Variants in LRAT observed in about 807,000 individuals in gnomAD.
The protein encoded by LRAT is lecithin retinol acyltransferase (phosphatidylcholine--retinol O-acyltransferase).
A neutral mutation model predicts 14.2 loss-of-function variants in LRAT; 11 were observed. The observed-to-expected ratio is 0.78, with a 90% CI of 0.49 to 1.29. The LOEUF (loss-of-function observed/expected upper bound fraction) is 1.29, where lower values mean the gene tolerates loss of function less well. LRAT is among the 50% of genes most tolerant of loss of function. The pLI is 0.00. For synonymous variants in LRAT, 144 were observed against 124.8 expected, an observed-to-expected ratio of 1.15 and a Z score of -1.03; for missense variants, 274 against 292.4, an observed-to-expected ratio of 0.94 and a Z score of 0.46.
rs1732997586 is a variant in LRAT at position 154,751,733 on chromosome 4, C to CCAAAAA, written c.*2597_*2598insCAAAAA. On this transcript the variant is annotated 3_prime_UTR_variant, in exon 3 of 3. Transcript: ENST00000336356. ...TGGGCAACAAAGTGAGACTCCATCT[C>CCAAAAA]AAAAAAAAAAAAAAAAAAAAAAAAA... The CCAAAAA allele has an allele frequency of 8.4e-5, 2 of 23,842 alleles. No homozygotes were observed. The highest frequency in any genetic ancestry group is 1.6e-4 in the Non-Finnish European group (2 of 12,628). 1.5% of individuals were successfully genotyped at this position (23,842 alleles called of 1,614,324 possible).
chr4:154,741,369 C>G (rs1433009223), upstream of LRAT, among the ~76,000 whole-genome samples: 1 of 152,014 alleles, frequency 6.6e-6, no homozygotes, highest in Non-Finnish European at 1.5e-5. Context: ...CTGTCGCTTC[C>G]GGAAGCCGAA....
chr4:154,742,013 G>A (rs187879077), upstream of LRAT, among the ~76,000 whole-genome samples: 58 of 152,162 alleles, frequency 3.8e-4, no homozygotes, highest in African/African-American at 1.4e-3. Context: ...CGGTATTGGC[G>A]CTTTCCCAGA....
chr4:154,746,717 A>C (rs969253057), intron 2 of LRAT, among the ~76,000 whole-genome samples: 1 of 152,250 alleles, frequency 6.6e-6, no homozygotes, highest in Non-Finnish European at 1.5e-5. Flanking sequence ...ACAGAAAAAC[A>C]GTAACTAGTG....
intron 2 of LRAT, among the ~76,000 whole-genome samples, chr4:154,748,741 A>G (rs956224575): frequency 6.6e-6 from 1 of 152,140 alleles, no homozygotes; most frequent in South Asian, 2.1e-4. Context: ...ATAGTTTTCT[A>G]TAAATGCTGT....
At chr4:154,744,282 C>T in intron 1 of LRAT, 44 bp from the exon 2 acceptor site, 3 of 1,604,216 alleles carry the variant, frequency 1.9e-6, no homozygotes, top group South Asian at 1.1e-5. Flanking sequence ...CGGCCCCTGC[C>T]GGAGTGGCAC....
At chr4:154,746,675 G>A (rs141897383) in intron 2 of LRAT, among the ~76,000 whole-genome samples, 1 of 152,268 alleles carries the variant, frequency 6.6e-6, no homozygotes, top group African/African-American at 2.4e-5. Context: ...ACCCTTTCAT[G>A]GAACACATAT....
In LRAT at chr4:154,744,724, A is replaced by C. The variant is rs147855559; in HGVS notation, c.398A>C (p.Lys133Thr). Residue 133 changes from lysine to threonine, a missense_variant, in exon 2 of 3, where the codon AAA (lysine) becomes ACA (threonine). By Grantham distance (78) the Lys-to-Thr change is moderately conservative (BLOSUM62 -1). Coordinates refer to ENST00000336356, the MANE Select transcript of LRAT (RefSeq NM_004744.5). ...AATCACCTGGACGAGTCCCTCCAGA[A>C]AAAGGCACTGCTCAACGAGGAGGTG... ...LVNHLDESLQ[K>T]KALLNEEVAR... 80 of 1,614,166 alleles carry C rather than the reference A, an allele frequency of 5.0e-5. No individual in the cohort carries two copies. The African/African-American group carries it at 9.7e-4, about 20-fold the overall frequency.
chr4:154,742,244 C>G (rs564906024), upstream of LRAT, among the ~76,000 whole-genome samples: 7 of 152,318 alleles, frequency 4.6e-5, no homozygotes, highest in African/African-American at 1.7e-4. Flanking sequence ...AAAATCTCCA[C>G]GTCCACTGGC....
At position 154,744,414 on chromosome 4, in the gene LRAT, G is replaced by T. The variant is rs1223595259; in HGVS notation, c.88G>T (p.Ala30Ser). Residue 30 changes from alanine to serine, a missense_variant, in exon 2 of 3, where the codon GCG becomes TCG. Ala to Ser is a moderately conservative substitution (Grantham distance 99). Transcript: ENST00000336356. Reference sequence around the variant, plus strand: ...CTTCACGCTCTTTAGTTCGGGCGCCGCGGGCGAAGACAAAGGGAGGAACAG... The same window carrying T: ...CTTCACGCTCTTTAGTTCGGGCGCCTCGGGCGAAGACAAAGGGAGGAACAG... ...SNFTLFSSGAAGEDKGRNSFY... is the reference protein window; with the variant it reads ...SNFTLFSSGASGEDKGRNSFY... 6.2e-7 allele frequency: 1 copy of T among 1,613,996 alleles called. No homozygotes were observed. Among genetic ancestry groups the T allele is most frequent in the African/African-American group, 1.3e-5 (1 of 74,926 alleles).
rs895443586 is a variant in LRAT, at chr4:154,744,542, C to T, written c.216C>T (p.His72=). 6.2e-7 allele frequency: 1 copy of T among 1,614,030 alleles called. No individual in the cohort carries two copies. Among genetic ancestry groups the T allele is most frequent in the Non-Finnish European group, 8.5e-7 (1 of 1,180,036 alleles). The change falls in exon 2 of 3, where the codon CAC becomes CAT. Residue 72 remains histidine (H), a synonymous_variant. Coordinates refer to ENST00000336356, the MANE Select transcript of LRAT (RefSeq NM_004744.5). ...GIYLGDNRVA[H]MMPDILLALT... is the part of the protein sequence containing the mutation. ...ACCTAGGAGACAACCGTGTTGCCCA[C>T]ATGATGCCCGACATCCTGTTGGCCC...
At chr4:154,741,636 A>G (rs1578857872), upstream of LRAT, among the ~76,000 whole-genome samples, 1 of 152,150 alleles carries the variant, frequency 6.6e-6, no homozygotes, top group African/African-American at 2.4e-5. Flanking sequence ...GCCCTTTCCC[A>G]AGAAGGCGGC....
rs2111040623 is a variant in LRAT at position 154,750,987 on chromosome 4, A to T, written c.*1851A>T. 1 of 152,376 alleles carries T rather than the reference A, an allele frequency of 6.6e-6. No homozygotes were observed. Among genetic ancestry groups the T allele is most frequent in the East Asian group, 1.9e-4 (1 of 5,194 alleles). 9.4% of individuals were successfully genotyped at this position (152,376 alleles called of 1,614,324 possible). A position where few individuals can be genotyped will look rare whatever the true frequency, so the allele number is the denominator to read the frequency against. ...AAGCCAAGGACGTTCTTAAGATTGG[A>T]ACTGACATAATTAGTCTTGACTTAC... On this transcript the variant is annotated 3_prime_UTR_variant, in exon 3 of 3. Transcript: ENST00000336356.
In LRAT at chr4:154,744,430, G is replaced by A. The variant is rs1263097962; in HGVS notation, c.104G>A (p.Gly35Glu). ...FSSGAAGEDK[G>E]RNSFYETSSF... ...TCGGGCGCCGCGGGCGAAGACAAAG[G>A]GAGGAACAGTTTTTATGAAACCAGC... The change falls in exon 2 of 3, where the codon GGG becomes GAG. Residue 35 changes from glycine to glutamate, a missense_variant. Physicochemically the swap from Gly to Glu is moderately conservative, Grantham distance 98. Transcript: ENST00000336356. The A allele has an allele frequency of 6.2e-7, 1 of 1,613,968 alleles. No individual in the cohort carries two copies. Among genetic ancestry groups the A allele is most frequent in the East Asian group, 2.2e-5 (1 of 44,880 alleles).
upstream of LRAT, among the ~76,000 whole-genome samples, chr4:154,743,126 C>G (rs1259011810): frequency 3.4e-5 from 1 of 29,134 alleles, no homozygotes; most frequent in Admixed American, 3.6e-4. Flanking sequence ...ACCCCCCCAA[C>G]CCCCCCCCCC....
intron 2 of LRAT, among the ~76,000 whole-genome samples, chr4:154,747,356 C>T (rs150629408): frequency 6.9e-6 from 1 of 145,298 alleles, no homozygotes; most frequent in African/African-American, 2.5e-5. Context: ...ATTACTATTC[C>T]TTATGCTTTT....
chr4:154,748,809 G>A (rs972660565), intron 2 of LRAT, among the ~76,000 whole-genome samples, 175 bp from the exon 3 acceptor site: 3 of 152,110 alleles, frequency 2.0e-5, no homozygotes, highest in East Asian at 1.9e-4. Context: ...GCTACTATAC[G>A]GTATAGAATC....
At chr4:154,745,349 A>G (rs1463757906) in intron 2 of LRAT, 1 of 167,890 alleles carries the variant, frequency 6.0e-6, no homozygotes, top group Non-Finnish European at 1.3e-5. Flanking sequence ...GTTCTAGATT[A>G]AGTAAGGAAA....
rs772984749 is a variant in LRAT, at chr4:154,749,063, T to C, written c.620T>C (p.Val207Ala). 1.9e-6 allele frequency: 3 copies of C among 1,613,866 alleles called. No individual in the cohort carries two copies. The highest frequency in any genetic ancestry group is 2.2e-5 in the East Asian group (1 of 44,872). The change falls in exon 3 of 3, where the codon GTC becomes GCC. Residue 207 changes from valine (V) to alanine (A), a missense_variant. By Grantham distance (64) the Val-to-Ala change is moderately conservative (BLOSUM62 0). Coordinates refer to ENST00000336356, the MANE Select transcript of LRAT (RefSeq NM_004744.5). Reference sequence around the variant, plus strand: ...GCAGTCTTGGGATTGGCGTCTATAGTCTGTACGGGCTTGGTATCATACACT... The same window carrying C: ...GCAGTCTTGGGATTGGCGTCTATAGCCTGTACGGGCTTGGTATCATACACT... ...ASAVLGLASI[V>A]CTGLVSYTTL...
rs569882105 is a variant in LRAT at position 154,744,018 on chromosome 4, T to C, written c.-206T>C. ...CACCTCCGAGCACCGCGCGCGGCCC[T>C]GCCCCCGGCACGGCCCCCAGGTGCG... On this transcript the variant is annotated 5_prime_UTR_variant, in exon 1 of 3. Coordinates refer to ENST00000336356, the MANE Select transcript of LRAT (RefSeq NM_004744.5). The C allele has an allele frequency of 1.4e-5, 6 of 429,542 alleles. No homozygotes were observed. Among genetic ancestry groups the C allele is most frequent in the Admixed American group, 7.3e-5 (2 of 27,474 alleles). The allele number at this position is 429,542 out of a possible 1,614,324, so 26.6% of individuals were successfully genotyped here.
Sources: allele counts gnomAD v4.1 joint callset (sites outside exome capture counted in the v4.1 genomes callset), GRCh38; gene constraint gnomAD v4.1.1; transcripts MANE v1.5; gene names NCBI Gene and HGNC (gene_info 2026-07-23, HGNC 2026-07-21).